The following DST variants were observed in gnomAD, a reference collection of about 807,000 sequenced individuals.
DST encodes dystonin, also known as bullous pemphigoid antigen.
Under a neutral mutation model 875.2 loss-of-function variants are expected in DST, and 253 were observed. The observed-to-expected ratio is 0.29, with a 90% confidence interval of 0.26 to 0.32. The LOEUF (loss-of-function observed/expected upper bound fraction) is 0.32, where lower values mean the gene tolerates loss of function less well. Ranked by LOEUF, DST falls within the 10% of genes least tolerant of loss-of-function variation. The pLI, the probability that DST is intolerant of heterozygous loss-of-function variation, is 1.00. For missense variants in DST, 8,287 were observed against 9,111.6 expected (o/e 0.91, Z 3.68); for synonymous variants, 3,124 against 3,197.1 (o/e 0.98, Z 0.77).
rs554450948 is a variant in DST, at chr6:56,535,018, G to A, written c.16941+104C>T. 204 of 1,310,352 alleles carry A rather than the reference G, an allele frequency of 1.6e-4. 2 individuals are homozygous for A. In the South Asian group the frequency reaches 1.9e-3, roughly 12 times the overall value. 81.2% of individuals were successfully genotyped at this position (1,310,352 alleles called of 1,614,324 possible). A position where few individuals can be genotyped will look rare whatever the true frequency, so the allele number is the denominator to read the frequency against. On this transcript the variant is annotated intron_variant, in intron 63 of 103. Transcript: ENST00000680361. Reference sequence around the variant, plus strand: ...AATAATGTCTACAGCAGCAACAACCGGTTAACTAGGTTATCCTATTAATTA... The same window carrying A: ...AATAATGTCTACAGCAGCAACAACCAGTTAACTAGGTTATCCTATTAATTA...
intron 9 of DST, among the ~76,000 whole-genome samples, chr6:56,683,909 T>C (rs192812538): frequency 7.2e-5 from 11 of 152,218 alleles, no homozygotes; most frequent in Non-Finnish European, 1.6e-4. Flanking sequence ...GAATCACTTA[T>C]CTAAAAAAAT....
At position 56,604,632 on chromosome 6, in the gene DST, G is replaced by A. The variant is rs2098477743; in HGVS notation, c.9996C>T (p.Ala3332=). ...CCTTTTCTTGGGATCTTGGAGACAA[G>A]GCTTGTTCTTTTGGTAGCTGTTGCT... ...RIEQQLPKEQ[A]LSPRSQEKEV... Residue 3332 remains alanine, a synonymous_variant, in exon 40 of 104, where the codon GCC becomes GCT. Transcript: ENST00000680361. 1.9e-6 allele frequency: 3 copies of A among 1,612,370 alleles called. No individual in the cohort carries two copies. The highest frequency in any genetic ancestry group is 2.5e-6 in the Non-Finnish European group (3 of 1,179,098).
At chr6:56,764,293 C>T (rs2099626893) in intron 4 of DST, among the ~76,000 whole-genome samples, 3 of 152,294 alleles carry the variant, frequency 2.0e-5, no homozygotes, top group South Asian at 4.1e-4. Flanking sequence ...ATCTCCAAAA[C>T]GTTTTCTCTT....
At chr6:56,828,040 AG>A (rs2099782853) in intron 4 of DST, among the ~76,000 whole-genome samples, 1 of 152,166 alleles carries the variant, frequency 6.6e-6, no homozygotes, top group Non-Finnish European at 1.5e-5. Flanking sequence ...TAGCTGTGTT[AG>A]AACTGATGCA....
rs1661248432 is a variant in DST at position 56,572,228 on chromosome 6, A to G, written c.13593T>C (p.Leu4531=). 2 of 1,576,292 alleles carry G rather than the reference A, an allele frequency of 1.3e-6. No individual in the cohort carries two copies. Among genetic ancestry groups the G allele is most frequent in the African/African-American group, 2.7e-5 (2 of 74,232 alleles). Reference sequence around the variant, plus strand: ...CCTTCAAGAGACTATGCAAAACTTCAAGATGTTTCTTGTGTTCTAAAAATT... The same window carrying G: ...CCTTCAAGAGACTATGCAAAACTTCGAGATGTTTCTTGTGTTCTAAAAATT... ...TSEFLEHKKH[L]EVLHSLLKEI... is the part of the protein sequence containing the mutation. Residue 4531 remains leucine, a synonymous_variant, in exon 53 of 104, where the codon CTT becomes CTC. Coordinates refer to ENST00000680361, the MANE Select transcript of DST (RefSeq NM_001374736.1).
At chr6:56,809,826 T>C (rs2099757724) in intron 4 of DST, among the ~76,000 whole-genome samples, 1 of 152,248 alleles carries the variant, frequency 6.6e-6, no homozygotes, top group African/African-American at 2.4e-5. Context: ...ATAAACTTCT[T>C]TCTGCTTCAT....
chr6:56,893,576 T>TA lies in DST; in HGVS notation c.417+6844_417+6845insT, dbSNP rs1788878893. Among the ~76,000 whole-genome samples, 16 of 71,392 alleles carry TA rather than the reference T, an allele frequency of 2.2e-4. 1 individual carries two copies. Among genetic ancestry groups the TA allele is most frequent in the African/African-American group, 3.0e-4 (3 of 9,908 alleles). 46.8% of individuals were successfully genotyped at this position (71,392 alleles called of 152,430 possible). A position where few individuals can be genotyped will look rare whatever the true frequency, so the allele number is the denominator to read the frequency against. On this transcript the variant is annotated intron_variant, in intron 3 of 103. Coordinates refer to ENST00000680361, the MANE Select transcript of DST (RefSeq NM_001374736.1). ...TACTTTTAGTTCTTTTTTTTTTTTT[T>TA]TTTTTTTTTTTATTTTTTTTTATTT...
chr6:56,791,421 A>C (rs1162912507), intron 4 of DST, among the ~76,000 whole-genome samples: 1 of 152,164 alleles, frequency 6.6e-6, no homozygotes, highest in Non-Finnish European at 1.5e-5. Context: ...AAAGTGGGAG[A>C]AGGTTTAAAA....
At chr6:56,857,902 A>T (rs1300709192) in intron 3 of DST, among the ~76,000 whole-genome samples, 1 of 152,240 alleles carries the variant, frequency 6.6e-6, no homozygotes, top group African/African-American at 2.4e-5. Context: ...GAAGAAAACA[A>T]TTAAGGAAAA....
chr6:56,608,564 T>C lies in DST; in HGVS notation c.6064A>G (p.Ser2022Gly), dbSNP rs181114344. Residue 2022 changes from serine to glycine, a missense_variant, in exon 40 of 104, where the codon AGC (serine) becomes GGC (glycine). By Grantham distance (56) the Ser-to-Gly change is moderately conservative (BLOSUM62 0). This residue lies in a region of DST where 3,138 missense variants were observed against 3,116.6 expected (regional missense o/e 1.01). Transcript: ENST00000680361. ...TGAACCTGATATGTGAGGATACTGC[T>C]AGCAGTGTCCCTGTCAATCACCCCT... is the stretch of plus-strand genomic sequence containing the variant. ...REGVIDRDTASSILTYQVQTG... is the reference protein window; with the variant it reads ...REGVIDRDTAGSILTYQVQTG... 1,865 of 1,613,524 alleles carry C rather than the reference T, an allele frequency of 1.2e-3. 1 individual carries two copies. Among genetic ancestry groups the C allele is most frequent in the Non-Finnish European group, 1.4e-3 (1,694 of 1,179,722 alleles).
intron 2 of DST, among the ~76,000 whole-genome samples, chr6:56,932,147 T>C (rs1364029056): frequency 6.6e-6 from 1 of 152,140 alleles, no homozygotes. Context: ...GGAGATAATT[T>C]GAATCATGGG....
At chr6:56,611,649 T>C (rs1284549203) in intron 37 of DST, 53 bp from the exon 38 acceptor site, 5 of 1,248,752 alleles carry the variant, frequency 4.0e-6, no homozygotes, top group African/African-American at 3.0e-5. Context: ...GAGTAAACAG[T>C]ATTTTTTTTA....
chr6:56,916,819 C>G (rs923307900), intron 2 of DST, among the ~76,000 whole-genome samples: 17 of 148,476 alleles, frequency 1.1e-4, no homozygotes, highest in Admixed American at 6.1e-4. Flanking sequence ...CACACACACA[C>G]ACACAGAGAG....
rs1310996916 is a variant in DST at position 56,616,325 on chromosome 6, A to C, written c.4930-1841T>G. The C allele has an allele frequency of 2.5e-6, 4 of 1,613,716 alleles. No homozygotes were observed. The Admixed American group carries it at 6.7e-5, about 27-fold the overall frequency. Reference sequence around the variant, plus strand: ...AGAAGAATGCCCATAGGATTCAAAAAACATAGCTTCCTTCCACTGATATTG... The same window carrying C: ...AGAAGAATGCCCATAGGATTCAAAACACATAGCTTCCTTCCACTGATATTG... On this transcript the variant is annotated intron_variant, in intron 36 of 103. Coordinates refer to ENST00000680361, the MANE Select transcript of DST (RefSeq NM_001374736.1).
intron 50 of DST, 23 bp downstream of exon 50, chr6:56,578,791 A>C: frequency 6.2e-7 from 1 of 1,610,166 alleles, no homozygotes. Flanking sequence ...GTGAGACAGG[A>C]AGCAAGGACA....
At chr6:56,752,556 T>C (rs756825545) in intron 4 of DST, among the ~76,000 whole-genome samples, 1 of 152,188 alleles carries the variant, frequency 6.6e-6, no homozygotes, top group African/African-American at 2.4e-5. Flanking sequence ...TTGTTCTATG[T>C]TTCACATAAA....
At chr6:56,623,341 A>G (rs1286493572) in intron 36 of DST, among the ~76,000 whole-genome samples, 1 of 152,202 alleles carries the variant, frequency 6.6e-6, no homozygotes, top group Non-Finnish European at 1.5e-5. Context: ...AGATCTGTAT[A>G]CCATTTAAAA....
Position 56,868,173 on chromosome 6 carries a change from T to C in DST, c.418-16569A>G, listed in dbSNP as rs568219963. The stretch of plus-strand genomic sequence containing the variant: ...TTTTTAATTTGTAAGTATAAACAAT[T>C]TTAAATGCTTAGCTAAACATGGCAT... On this transcript the variant is annotated intron_variant, in intron 3 of 103. Coordinates refer to ENST00000680361, the MANE Select transcript of DST (RefSeq NM_001374736.1). 4.6e-5 allele frequency among the ~76,000 whole-genome samples: 7 copies of C among 152,348 alleles called. 1 individual carries two copies. The highest frequency in any genetic ancestry group is 1.7e-4 in the African/African-American group (7 of 41,586).
chr6:56,754,248 A>G (rs1248895455), intron 4 of DST, among the ~76,000 whole-genome samples: 1 of 152,222 alleles, frequency 6.6e-6, no homozygotes, highest in African/African-American at 2.4e-5. Context: ...GAAATACGTA[A>G]CTTATTTGTA....
Sources: allele counts gnomAD v4.1 joint callset (sites outside exome capture counted in the v4.1 genomes callset), GRCh38; gene constraint gnomAD v4.1.1; regional missense constraint gnomAD v4.1.1; transcripts MANE v1.5; gene names NCBI Gene and HGNC (gene_info 2026-07-23, HGNC 2026-07-21).